Variants in SH3BP4 observed in about 807,000 individuals in gnomAD.
The protein encoded by SH3BP4 is SH3 domain-binding protein 4.
SH3BP4 carries 33 observed loss-of-function variants against 65.5 expected under a neutral mutation model. That is an observed-to-expected ratio of 0.50 (90% CI 0.38 to 0.67). The LOEUF (loss-of-function observed/expected upper bound fraction) is 0.67. Ranked by LOEUF, SH3BP4 falls within the 30% of genes least tolerant of loss-of-function variation. The probability of loss-of-function intolerance (pLI) is 0.00; values close to 1 mark genes in which losing one functional copy is unlikely to be tolerated. For missense variants in SH3BP4, 1,134 were observed against 1,261.4 expected (o/e 0.90, Z 1.53); for synonymous variants, 552 against 545.5 (o/e 1.01, Z -0.17).
chr2:234,993,706 A>G (rs1407770914), intron 1 of SH3BP4, among the ~76,000 whole-genome samples: 2 of 152,212 alleles, frequency 1.3e-5, no homozygotes, highest in Non-Finnish European at 2.9e-5. Context: ...CTGTCTTGAC[A>G]TGACTCTTTG....
intron 1 of SH3BP4, among the ~76,000 whole-genome samples, chr2:234,972,124 T>G (rs983616637): frequency 5.6e-5 from 8 of 142,664 alleles, no homozygotes; most frequent in Admixed American, 1.4e-4. Context: ...CTTTTTTTTT[T>G]TTGTTTTTTG....
Position 235,030,159 on chromosome 2 carries a change from G to A in SH3BP4, c.-132-4712G>A, listed in dbSNP as rs1695135376. ...GTGAGCACTGTCCAGAAGTGTTGTA[G>A]CAGGGCAGCAGCATGGCTTTGAGAA... On this transcript the variant is annotated intron_variant, in intron 2 of 5. Transcript: ENST00000392011. This position sits in a 1 kb window ranked among gnomAD's most constrained non-coding sequence, Gnocchi z 4.1. 6.6e-6 allele frequency among the ~76,000 whole-genome samples: 1 copy of A among 152,144 alleles called. No homozygotes were observed. The highest frequency in any genetic ancestry group is 6.5e-5 in the Admixed American group (1 of 15,280).
chr2:234,958,744 C>G (rs1217410814), intron 1 of SH3BP4, among the ~76,000 whole-genome samples: 2 of 151,970 alleles, frequency 1.3e-5, no homozygotes, highest in Non-Finnish European at 2.9e-5. Context: ...AGTTCTGAGT[C>G]TATCATGTGC....
chr2:235,024,468 A>G (rs1241851621), intron 2 of SH3BP4, among the ~76,000 whole-genome samples: 8 of 152,144 alleles, frequency 5.3e-5, no homozygotes, highest in East Asian at 1.9e-4. Flanking sequence ...ACGTCCTCAC[A>G]GTATGAAATT....
chr2:235,032,845 G>C (rs953960609), intron 2 of SH3BP4, among the ~76,000 whole-genome samples: 3 of 152,148 alleles, frequency 2.0e-5, no homozygotes, highest in African/African-American at 7.2e-5. Flanking sequence ...GGGCGTCCGG[G>C]GTTCTCCCCA....
rs144778398 is a variant in SH3BP4 at position 235,009,653 on chromosome 2, T to G, written c.-133+14277T>G. On this transcript the variant is annotated intron_variant, in intron 2 of 5. Transcript: ENST00000392011. ...TGGGGTCTTGCCCTTGACTCTTGCC[T>G]CCTTCCCATATCCTTGATCTGGATC... 3.8e-3 allele frequency among the ~76,000 whole-genome samples: 581 copies of G among 152,222 alleles called. 5 individuals carry two copies. Among genetic ancestry groups the G allele is most frequent in the African/African-American group, 0.013 (557 of 41,524 alleles).
At position 235,030,485 on chromosome 2, in the gene SH3BP4, G is replaced by A. The variant is rs758974784; in HGVS notation, c.-132-4386G>A. ...CCTGGTGGAGCTATGAGCGCAGCCT[G>A]TGCTGTAAGGGGAGGACACATAACC... On this transcript the variant is annotated intron_variant, in intron 2 of 5. Coordinates refer to ENST00000392011, the MANE Select transcript of SH3BP4 (RefSeq NM_014521.3). This position sits in a 1 kb window ranked among gnomAD's most constrained non-coding sequence, Gnocchi z 4.1. Among the ~76,000 whole-genome samples, 4 of 152,206 alleles carry A rather than the reference G, an allele frequency of 2.6e-5. No homozygotes were observed. The highest frequency in any genetic ancestry group is 4.4e-5 in the Non-Finnish European group (3 of 68,036).
rs556442401 is a variant in SH3BP4 at position 235,026,632 on chromosome 2, C to G, written c.-132-8239C>G. ...ACTCCGTAGATGTTCACTAAGGTGA[C>G]CTCTGTGCGTAGTCCCAGGTAGATG... is the stretch of plus-strand genomic sequence containing the variant. On this transcript the variant is annotated intron_variant, in intron 2 of 5. Transcript: ENST00000392011. This position sits in a 1 kb window ranked among gnomAD's most constrained non-coding sequence, Gnocchi z 4.6. Among the ~76,000 whole-genome samples, 1 of 152,356 alleles carries G rather than the reference C, an allele frequency of 6.6e-6. No homozygotes were observed. Among genetic ancestry groups the G allele is most frequent in the Non-Finnish European group, 1.5e-5 (1 of 68,040 alleles).
chr2:235,006,909 G>C (rs1454805205), intron 2 of SH3BP4, among the ~76,000 whole-genome samples: 2 of 151,952 alleles, frequency 1.3e-5, no homozygotes, highest in African/African-American at 4.8e-5. Context: ...GAAGATTGGG[G>C]GTGCCACGCC....
intron 1 of SH3BP4, among the ~76,000 whole-genome samples, chr2:234,965,138 C>T (rs560008843): frequency 2.6e-5 from 4 of 152,272 alleles, no homozygotes; most frequent in South Asian, 2.1e-4. Context: ...ACTAAGCTGA[C>T]GGTTGAATCA....
At chr2:235,044,914 C>G (rs140471027) in intron 4 of SH3BP4, among the ~76,000 whole-genome samples, 350 of 152,284 alleles carry the variant, frequency 2.3e-3, no homozygotes, top group African/African-American at 8.2e-3. Context: ...GAACTGGAAG[C>G]GGCCGTCAGG....
chr2:234,981,767 T>C (rs1365997203), intron 1 of SH3BP4: 1 of 152,218 alleles, frequency 6.6e-6, no homozygotes, highest in South Asian at 2.1e-4. Flanking sequence ...TGGGAGTGAC[T>C]GCTTTGTTTT....
In SH3BP4 at chr2:235,026,207, C is replaced by T. The variant is rs753836769; in HGVS notation, c.-132-8664C>T. On this transcript the variant is annotated intron_variant, in intron 2 of 5. Coordinates refer to ENST00000392011, the MANE Select transcript of SH3BP4 (RefSeq NM_014521.3). The surrounding 1 kb of genome is among the most constrained non-coding windows in gnomAD (Gnocchi z 4.6). ...CTCAGGCCTTGAAGAGGGATTCACA[C>T]GCCCTCCCCTCCTCTTCCTGACCTG... 6.6e-5 allele frequency among the ~76,000 whole-genome samples: 10 copies of T among 152,142 alleles called. No individual in the cohort carries two copies. The highest frequency in any genetic ancestry group is 8.8e-5 in the Non-Finnish European group (6 of 68,026).
At position 235,035,382 on chromosome 2, in the gene SH3BP4, G is replaced by A. The variant is rs1010782893; in HGVS notation, c.118+262G>A. Among the ~76,000 whole-genome samples the A allele has an allele frequency of 6.6e-6, 1 of 152,156 alleles. No individual in the cohort carries two copies. Among genetic ancestry groups the A allele is most frequent in the Admixed American group, 6.5e-5 (1 of 15,276 alleles). ...CTTGATAAAATTCGGTGACAGTGTGGTAGGGAGCTTGGTGGTACAGAAACC... is the reference window on the plus strand; with the variant it reads ...CTTGATAAAATTCGGTGACAGTGTGATAGGGAGCTTGGTGGTACAGAAACC... On this transcript the variant is annotated intron_variant, in intron 3 of 5. Coordinates refer to ENST00000392011, the MANE Select transcript of SH3BP4 (RefSeq NM_014521.3). The surrounding 1 kb of genome is among the most constrained non-coding windows in gnomAD (Gnocchi z 5.0).
chr2:235,009,755 G>T (rs1037047187), intron 2 of SH3BP4, among the ~76,000 whole-genome samples: 2 of 152,030 alleles, frequency 1.3e-5, no homozygotes, highest in African/African-American at 4.8e-5. Flanking sequence ...CCATGTGTTT[G>T]CTCCTCACGT....
rs1451669027 is a variant in SH3BP4 at position 234,991,969 on chromosome 2, C to T, written c.-206-3334C>T. On this transcript the variant is annotated intron_variant, in intron 1 of 5. Coordinates refer to ENST00000392011, the MANE Select transcript of SH3BP4 (RefSeq NM_014521.3). The surrounding 1 kb of genome is among the most constrained non-coding windows in gnomAD (Gnocchi z 4.2). Reference sequence around the variant, plus strand: ...GGCATGAGGTATGAGTTTACCCAATCATCCCCCTGTCCAGGGAGCCTGCCG... The same window carrying T: ...GGCATGAGGTATGAGTTTACCCAATTATCCCCCTGTCCAGGGAGCCTGCCG... Among the ~76,000 whole-genome samples the T allele has an allele frequency of 6.6e-6, 1 of 152,228 alleles. No homozygotes were observed. The highest frequency in any genetic ancestry group is 1.5e-5 in the Non-Finnish European group (1 of 68,046).
At chr2:235,011,291 C>T (rs1694496561) in intron 2 of SH3BP4, among the ~76,000 whole-genome samples, 1 of 152,216 alleles carries the variant, frequency 6.6e-6, no homozygotes, top group Non-Finnish European at 1.5e-5. Flanking sequence ...AGCTTAAAGC[C>T]ACGTTCCTTC....
At chr2:234,973,542 G>T (rs1693060879) in intron 1 of SH3BP4, among the ~76,000 whole-genome samples, 1 of 152,132 alleles carries the variant, frequency 6.6e-6, no homozygotes, top group African/African-American at 2.4e-5. Context: ...AAAGCAATTT[G>T]ACTTTCTGAG....
At chr2:235,020,313 T>A (rs1186986071) in intron 2 of SH3BP4, among the ~76,000 whole-genome samples, 1 of 152,142 alleles carries the variant, frequency 6.6e-6, no homozygotes, top group Non-Finnish European at 1.5e-5. Context: ...CTGGACAGCA[T>A]GGTGAAACCC....
Sources: gnomAD v4.1 joint callset for allele counts (sites outside exome capture counted in the v4.1 genomes callset) on GRCh38, gnomAD v4.1.1 for gene constraint, Gnocchi (gnomAD v3.1) non-coding constraint, MANE v1.5 for transcripts, NCBI Gene and HGNC (gene_info 2026-07-23, HGNC 2026-07-21) for gene names.